VEPH1: variants seen among roughly 807,000 people sequenced by gnomAD.
VEPH1 encodes ventricular zone expressed PH domain containing 1.
In VEPH1, 80 loss-of-function variants were observed where a neutral mutation model predicts 85.2. The observed-to-expected ratio is 0.94, with a 90% confidence interval of 0.78 to 1.13. The LOEUF is 1.13. Among genes scored for constraint, VEPH1 ranks in the 50% most tolerant of loss-of-function variants. VEPH1 has a pLI of 0.00. For missense variants in VEPH1, 955 were observed against 980.5 expected (o/e 0.97, Z 0.35); for synonymous variants, 297 against 348.0 (o/e 0.85, Z 1.63).
intron 12 of VEPH1, among the ~76,000 whole-genome samples, chr3:157,267,314 C>A (rs1349873730): frequency 6.6e-6 from 1 of 150,614 alleles, no homozygotes; most frequent in Non-Finnish European, 1.5e-5. Flanking sequence ...CCAGGCTGGT[C>A]TCAAACTCCT....
intron 7 of VEPH1, among the ~76,000 whole-genome samples, chr3:157,368,420 G>C (rs1289686481): frequency 1.3e-5 from 2 of 152,190 alleles, no homozygotes; most frequent in Non-Finnish European, 2.9e-5. Flanking sequence ...CAAGGGTAAG[G>C]ATTCTCAGTG....
At chr3:157,412,042 C>A (rs1221378240) in intron 6 of VEPH1, among the ~76,000 whole-genome samples, 1 of 152,080 alleles carries the variant, frequency 6.6e-6, no homozygotes, top group African/African-American at 2.4e-5. Context: ...TGTGGGGTAG[C>A]ACCTCACCCC....
At chr3:157,497,308 C>A (rs1739740713) in intron 1 of VEPH1, among the ~76,000 whole-genome samples, 1 of 152,026 alleles carries the variant, frequency 6.6e-6, no homozygotes, top group Non-Finnish European at 1.5e-5. Flanking sequence ...TTTAGAGCAA[C>A]CAGAGAGCAA....
At chr3:157,437,479 C>A (rs781392908) in intron 4 of VEPH1, 2 of 1,581,190 alleles carry the variant, frequency 1.3e-6, no homozygotes, top group African/African-American at 1.3e-5. Context: ...CAGGCCTGGG[C>A]GGGCTGCTAA....
At chr3:157,418,511 A>T (rs1232593187) in intron 5 of VEPH1, among the ~76,000 whole-genome samples, 1 of 152,218 alleles carries the variant, frequency 6.6e-6, no homozygotes. Context: ...AATATGCAAA[A>T]ATCACTAGCA....
At chr3:157,303,493 T>C (rs930511606) in intron 11 of VEPH1, among the ~76,000 whole-genome samples, 1 of 152,190 alleles carries the variant, frequency 6.6e-6, no homozygotes, top group South Asian at 2.1e-4. Context: ...GTCTCCTCCG[T>C]GTTATTTCTC....
At chr3:157,405,224 T>C (rs569293271) in intron 6 of VEPH1, among the ~76,000 whole-genome samples, 1 of 152,282 alleles carries the variant, frequency 6.6e-6, no homozygotes, top group East Asian at 1.9e-4. Context: ...AGGTCTTCTG[T>C]GGATTTGGTC....
intron 11 of VEPH1, among the ~76,000 whole-genome samples, chr3:157,304,780 A>G (rs1719275038): frequency 6.6e-6 from 1 of 152,202 alleles, no homozygotes; most frequent in Admixed American, 6.5e-5. Flanking sequence ...TATAGAGAAA[A>G]GAAAATGCTA....
At chr3:157,319,389 G>C (rs1209534911) in intron 9 of VEPH1, among the ~76,000 whole-genome samples, 1 of 152,162 alleles carries the variant, frequency 6.6e-6, no homozygotes, top group Non-Finnish European at 1.5e-5. Flanking sequence ...TGGGAGAATA[G>C]AATGGAGCAT....
At chr3:157,372,170 A>G (rs1283842843) in intron 7 of VEPH1, among the ~76,000 whole-genome samples, 1 of 152,246 alleles carries the variant, frequency 6.6e-6, no homozygotes, top group African/African-American at 2.4e-5. Flanking sequence ...GGCATTTGAC[A>G]CTGGAAGAGC....
At chr3:157,447,477 T>C (rs1734638197) in intron 4 of VEPH1, among the ~76,000 whole-genome samples, 1 of 152,212 alleles carries the variant, frequency 6.6e-6, no homozygotes. Flanking sequence ...ACAACTTGTT[T>C]TATGGTGAAC....
rs116961713 is a variant in VEPH1 at position 157,336,473 on chromosome 3, T to C, written c.1736-19272A>G. The stretch of plus-strand genomic sequence containing the variant: ...ACAATGGTATTACCTGGGCACTGCT[T>C]ACCGCTAGTTCAGTGAACACTCTTG... On this transcript the variant is annotated intron_variant, in intron 9 of 13. Coordinates refer to ENST00000362010, the MANE Select transcript of VEPH1 (RefSeq NM_001167912.2). Among the ~76,000 whole-genome samples, 422 of 152,326 alleles carry C rather than the reference T, an allele frequency of 2.8e-3. 5 individuals are homozygous for C. In the East Asian group the frequency reaches 0.043, roughly 15 times the overall value.
intron 11 of VEPH1, among the ~76,000 whole-genome samples, chr3:157,302,853 A>G (rs900313994): frequency 1.3e-5 from 2 of 152,178 alleles, no homozygotes; most frequent in East Asian, 3.9e-4. Context: ...GGCTCCACCA[A>G]TGCTGTGAAA....
chr3:157,442,997 T>C, intron 4 of VEPH1: 1 of 1,572,282 alleles, frequency 6.4e-7, no homozygotes, highest in Admixed American at 1.9e-5. Flanking sequence ...GAAACTCCAC[T>C]TGAAGCCAAA....
intron 6 of VEPH1, among the ~76,000 whole-genome samples, chr3:157,405,877 C>G (rs971773597): frequency 9.9e-5 from 15 of 152,178 alleles, no homozygotes; most frequent in African/African-American, 3.4e-4. Context: ...GTCTTTCTCT[C>G]CTCTGTGTCC....
In VEPH1 at chr3:157,288,022, C is replaced by A. The variant is rs374256802; in HGVS notation, c.2011-1348G>T. ...TGCCAATGAGTTCCTCTTTAAGGGG[C>A]AGGGCAGAGAGGTTCTGTTAGACTG... On this transcript the variant is annotated intron_variant, in intron 11 of 13. Transcript: ENST00000362010. Among the ~76,000 whole-genome samples, 122 of 152,314 alleles carry A rather than the reference C, an allele frequency of 8.0e-4. 1 individual carries two copies. The South Asian group carries it at 0.014, about 17-fold the overall frequency.
At chr3:157,326,338 G>A (rs1374496426) in intron 9 of VEPH1, among the ~76,000 whole-genome samples, 4 of 152,160 alleles carry the variant, frequency 2.6e-5, no homozygotes, top group South Asian at 2.1e-4. Flanking sequence ...TCTGGCTGTC[G>A]AGTGATGGTG....
At chr3:157,384,157 G>A (rs1210210970) in intron 6 of VEPH1, among the ~76,000 whole-genome samples, 2 of 152,134 alleles carry the variant, frequency 1.3e-5, no homozygotes, top group African/African-American at 4.8e-5. Flanking sequence ...ATGGAGAAAC[G>A]TGCCTCAAAG....
intron 2 of VEPH1, among the ~76,000 whole-genome samples, chr3:157,481,547 A>T (rs1738097985): frequency 6.6e-6 from 1 of 151,440 alleles, no homozygotes; most frequent in South Asian, 2.1e-4. Context: ...AAACTATGTT[A>T]CAAGTCTATA....
Sources: allele counts gnomAD v4.1 joint callset (sites outside exome capture counted in the v4.1 genomes callset), GRCh38; gene constraint gnomAD v4.1.1; transcripts MANE v1.5; gene names NCBI Gene and HGNC (gene_info 2026-07-23, HGNC 2026-07-21).